The following COX7B2 variants were observed in gnomAD, a reference collection of about 807,000 sequenced individuals.
COX7B2 encodes cytochrome c oxidase subunit 7B2, also known as cytochrome c oxidase subunit 7B2, mitochondrial.
For missense variants in COX7B2, 109 were observed against 95.9 expected (o/e 1.14, Z -0.57); for synonymous variants, 37 against 32.1 (o/e 1.15, Z -0.51).
chr4:46,837,836 C>G (rs575213350), intron 2 of COX7B2, among the ~76,000 whole-genome samples: 5 of 151,838 alleles, frequency 3.3e-5, no homozygotes, highest in Non-Finnish European at 5.9e-5. Context: ...AATATCAAAG[C>G]TCAGGATAAG....
chr4:46,751,399 C>T (rs985257101), intron 2 of COX7B2, among the ~76,000 whole-genome samples: 2 of 152,108 alleles, frequency 1.3e-5, no homozygotes, highest in Non-Finnish European at 2.9e-5. Context: ...CCACTTCTCA[C>T]ATTAACATTT....
At chr4:46,780,141 A>T (rs979786463) in intron 2 of COX7B2, among the ~76,000 whole-genome samples, 2 of 152,164 alleles carry the variant, frequency 1.3e-5, no homozygotes, top group Non-Finnish European at 2.9e-5. Context: ...TCAATGACTA[A>T]TCCAGGGTTA....
At chr4:46,738,846 T>C (rs1022567160) in intron 2 of COX7B2, among the ~76,000 whole-genome samples, 2 of 152,106 alleles carry the variant, frequency 1.3e-5, no homozygotes, top group Admixed American at 6.6e-5. Flanking sequence ...CTCATGCCCA[T>C]GGCAGTAAAA....
chr4:46,885,919 CAA>C (rs1284777823), intron 1 of COX7B2, among the ~76,000 whole-genome samples: 2 of 152,010 alleles, frequency 1.3e-5, no homozygotes, highest in Non-Finnish European at 2.9e-5. Context: ...GTTTCCAGGT[CAA>C]GAGTTTATTT....
intron 1 of COX7B2, among the ~76,000 whole-genome samples, chr4:46,882,483 G>A (rs989463165): frequency 1.3e-5 from 2 of 152,094 alleles, no homozygotes; most frequent in Admixed American, 6.5e-5. Flanking sequence ...CTCTTGCATC[G>A]CATGCATACA....
At chr4:46,875,754 A>G (rs1020038457) in intron 1 of COX7B2, among the ~76,000 whole-genome samples, 1 of 151,168 alleles carries the variant, frequency 6.6e-6, no homozygotes, top group East Asian at 2.0e-4. Context: ...AGCCCATGTC[A>G]CTCTGCTTGG....
At chr4:46,896,988 T>C (rs1393002630) in intron 1 of COX7B2, among the ~76,000 whole-genome samples, 5 of 152,334 alleles carry the variant, frequency 3.3e-5, no homozygotes, top group Admixed American at 3.3e-4. Context: ...GGAAGATGTG[T>C]CAGCTTTTGA....
At chr4:46,756,389 G>A (rs577790332) in intron 2 of COX7B2, among the ~76,000 whole-genome samples, 1 of 152,062 alleles carries the variant, frequency 6.6e-6, no homozygotes, top group Admixed American at 6.6e-5. Context: ...ATTGGGCTAG[G>A]CAAAGAATTT....
intron 2 of COX7B2, among the ~76,000 whole-genome samples, chr4:46,793,289 C>T (rs563665936): frequency 9.4e-5 from 14 of 149,358 alleles, no homozygotes; most frequent in South Asian, 2.1e-4. Context: ...GGTATCTTCC[C>T]GGCTGGATGG....
At chr4:46,832,897 T>A (rs549329922) in intron 2 of COX7B2, among the ~76,000 whole-genome samples, 48 of 151,264 alleles carry the variant, frequency 3.2e-4, no homozygotes, top group African/African-American at 1.1e-3. Context: ...CCTGCTGAAC[T>A]GTGAGCCTTT....
rs550849634 is a variant in COX7B2, at chr4:46,822,227, G to A, written c.-50+22733C>T. Among the ~76,000 whole-genome samples, 4 of 152,260 alleles carry A rather than the reference G, an allele frequency of 2.6e-5. No homozygotes were observed. The South Asian group carries it at 8.3e-4, about 32-fold the overall frequency. ...AGCCCAGCCTCAATTGTTTCCAATA[G>A]AAAATATGGGAGTTTTTGTTTCTTG... is the stretch of plus-strand genomic sequence containing the variant. On this transcript the variant is annotated intron_variant, in intron 2 of 2. Coordinates refer to ENST00000355591, the MANE Select transcript of COX7B2 (RefSeq NM_130902.3).
intron 2 of COX7B2, among the ~76,000 whole-genome samples, chr4:46,806,541 T>C (rs1355276388): frequency 6.6e-6 from 1 of 152,100 alleles, no homozygotes; most frequent in Non-Finnish European, 1.5e-5. Context: ...ATTTTGTTTT[T>C]GAGGCAAGAA....
chr4:46,805,449 TC>T (rs1321030026), intron 2 of COX7B2, among the ~76,000 whole-genome samples: 1 of 152,224 alleles, frequency 6.6e-6, no homozygotes, highest in Non-Finnish European at 1.5e-5. Context: ...ATGGGAGAGT[TC>T]TCTTACATCC....
At chr4:46,811,840 T>G (rs1169688465) in intron 2 of COX7B2, among the ~76,000 whole-genome samples, 1 of 152,192 alleles carries the variant, frequency 6.6e-6, no homozygotes, top group Admixed American at 6.5e-5. Flanking sequence ...ACTCTCCATG[T>G]GGACCCAGAG....
At chr4:46,819,067 G>A (rs893470171) in intron 2 of COX7B2, among the ~76,000 whole-genome samples, 2 of 152,120 alleles carry the variant, frequency 1.3e-5, no homozygotes, top group African/African-American at 2.4e-5. Context: ...CAATCACCTC[G>A]AATTTTGCCG....
intron 2 of COX7B2, among the ~76,000 whole-genome samples, chr4:46,817,040 G>A (rs1397819735): frequency 1.3e-5 from 2 of 152,102 alleles, no homozygotes; most frequent in Non-Finnish European, 2.9e-5. Context: ...CTACAGAGTG[G>A]GAAATATTTT....
intron 1 of COX7B2, among the ~76,000 whole-genome samples, chr4:46,871,424 A>C (rs2109824536): frequency 6.6e-6 from 1 of 152,286 alleles, no homozygotes; most frequent in Non-Finnish European, 1.5e-5. Flanking sequence ...TGCACATAGG[A>C]ACTTGCAATG....
intron 2 of COX7B2, among the ~76,000 whole-genome samples, chr4:46,749,268 T>A (rs1246768986): frequency 6.6e-6 from 1 of 152,124 alleles, no homozygotes; most frequent in African/African-American, 2.4e-5. Flanking sequence ...AATTTTGACA[T>A]TTAAATTAAA....
intron 2 of COX7B2, among the ~76,000 whole-genome samples, chr4:46,820,331 C>A (rs771790241): frequency 6.6e-6 from 1 of 152,132 alleles, no homozygotes; most frequent in African/African-American, 2.4e-5. Context: ...AATGCCTCTG[C>A]TGATCTGACG....
Sources: gnomAD v4.1 joint callset for allele counts (sites outside exome capture counted in the v4.1 genomes callset) on GRCh38, gnomAD v4.1.1 for gene constraint, MANE v1.5 for transcripts, NCBI Gene and HGNC (gene_info 2026-07-23, HGNC 2026-07-21) for gene names.